The following BABAM2 variants were observed in gnomAD, a reference collection of about 807,000 sequenced individuals.
BABAM2 encodes BRISC and BRCA1 A complex member 2, also known as BRISC and BRCA1-A complex member 2.
Under a neutral mutation model 54.7 loss-of-function variants are expected in BABAM2, and 31 were observed. The ratio of observed to expected loss-of-function variants is 0.57; its 90% CI spans 0.43 to 0.77. The LOEUF is 0.77. BABAM2 is among the 30% of genes least tolerant of loss of function. The pLI is 0.00. For missense variants in BABAM2, 364 were observed against 455.8 expected (o/e 0.80, Z 1.83); for synonymous variants, 167 against 162.9 (o/e 1.03, Z -0.19).
intron 7 of BABAM2, among the ~76,000 whole-genome samples, chr2:28,217,749 A>G (rs1680044820): frequency 6.6e-6 from 1 of 152,180 alleles, no homozygotes; most frequent in Admixed American, 6.5e-5. Context: ...ACTAGAAGTA[A>G]ATTGCTTGAT....
chr2:28,307,165 C>T (rs924564435), intron 11 of BABAM2, among the ~76,000 whole-genome samples: 1 of 151,134 alleles, frequency 6.6e-6, no homozygotes, highest in African/African-American at 2.4e-5. Context: ...CACCACCACA[C>T]CTGGCTATTT....
chr2:27,891,995 A>G (rs1664895571), intron 1 of BABAM2, among the ~76,000 whole-genome samples: 1 of 152,138 alleles, frequency 6.6e-6, no homozygotes, highest in South Asian at 2.1e-4. Flanking sequence ...TGGTAAAGCA[A>G]TCATTTGTTT....
In BABAM2 at chr2:28,325,241, G is replaced by A. The variant is rs1001132533; in HGVS notation, c.1089-13209G>A. Among the ~76,000 whole-genome samples the A allele has an allele frequency of 1.4e-4, 22 of 152,106 alleles. No homozygotes were observed. Among genetic ancestry groups the A allele is most frequent in the African/African-American group, 2.9e-4 (12 of 41,390 alleles). ...CCTTCCCTCCCTCCCTTTCTGTAAC[G>A]GAAGCCTGGGGCCGCAGGGCTACCT... On this transcript the variant is annotated intron_variant, in intron 11 of 11. Coordinates refer to ENST00000379624, the MANE Select transcript of BABAM2 (RefSeq NM_199191.3). This position sits in a 1 kb window ranked among gnomAD's most constrained non-coding sequence, Gnocchi z 4.3.
chr2:28,330,378 G>C (rs766206726), intron 11 of BABAM2, among the ~76,000 whole-genome samples: 7 of 152,200 alleles, frequency 4.6e-5, no homozygotes, highest in African/African-American at 7.2e-5. Context: ...AATAGGAAGA[G>C]AGTTAATCAA....
At chr2:27,959,384 T>C (rs1432568587) in intron 3 of BABAM2, among the ~76,000 whole-genome samples, 2 of 152,222 alleles carry the variant, frequency 1.3e-5, no homozygotes, top group Admixed American at 6.5e-5. Context: ...AAAATACTAT[T>C]ACTGGATAAA....
intron 7 of BABAM2, among the ~76,000 whole-genome samples, chr2:28,158,429 G>A (rs1672755911): frequency 6.6e-6 from 1 of 152,226 alleles, no homozygotes; most frequent in South Asian, 2.1e-4. Flanking sequence ...AATACACACT[G>A]TTGTAGTAAT....
chr2:28,318,878 A>G (rs2148302299), intron 11 of BABAM2, among the ~76,000 whole-genome samples: 1 of 152,318 alleles, frequency 6.6e-6, no homozygotes, highest in East Asian at 1.9e-4. Context: ...CTTAATAAAC[A>G]TGGCAGGAAA....
At chr2:28,033,115 A>G (rs1022476294) in intron 5 of BABAM2, among the ~76,000 whole-genome samples, 3 of 152,186 alleles carry the variant, frequency 2.0e-5, no homozygotes, top group Admixed American at 1.3e-4. Flanking sequence ...ACGAATTCCC[A>G]TAATGTAAGA....
At chr2:28,228,705 C>G (rs1194326298) in intron 7 of BABAM2, among the ~76,000 whole-genome samples, 2 of 152,020 alleles carry the variant, frequency 1.3e-5, no homozygotes, top group Non-Finnish European at 2.9e-5. Flanking sequence ...TCTTGAGTGA[C>G]TGGGCATCAT....
At chr2:27,898,234 G>T (rs1665496864) in intron 2 of BABAM2, among the ~76,000 whole-genome samples, 1 of 152,032 alleles carries the variant, frequency 6.6e-6, no homozygotes, top group African/African-American at 2.4e-5. Flanking sequence ...CTTTTCATAA[G>T]TTCCTTTGGT....
intron 10 of BABAM2, among the ~76,000 whole-genome samples, chr2:28,289,519 G>A (rs1687100128): frequency 6.6e-6 from 1 of 152,218 alleles, no homozygotes; most frequent in Non-Finnish European, 1.5e-5. Flanking sequence ...GCCGGGCACA[G>A]AGGCTCATGC....
chr2:27,932,279 T>A (rs1668151100), intron 3 of BABAM2, among the ~76,000 whole-genome samples: 1 of 152,206 alleles, frequency 6.6e-6, no homozygotes, highest in South Asian at 2.1e-4. Flanking sequence ...TTGCACTGTT[T>A]CTCATTCTCA....
At chr2:28,241,502 C>CT (rs376402633) in intron 9 of BABAM2, 109 bp downstream of exon 9, 48,386 of 771,486 alleles carry the variant, frequency 0.063, 17 homozygotes, top group South Asian at 0.068. Flanking sequence ...CACATGATAC[C>CT]TTTTTTTTTT....
At chr2:27,890,436 G>T, upstream of BABAM2, 1 of 1,285,300 alleles carries the variant, frequency 7.8e-7, no homozygotes, top group Non-Finnish European at 1.1e-6. This position sits in a 1 kb window ranked among gnomAD's most constrained non-coding sequence, Gnocchi z 4.8. Flanking sequence ...CCTCCCTAAC[G>T]ACGCGGGCCT....
At chr2:28,070,429 C>G (rs1664016156) in intron 6 of BABAM2, among the ~76,000 whole-genome samples, 1 of 152,256 alleles carries the variant, frequency 6.6e-6, no homozygotes, top group South Asian at 2.1e-4. Flanking sequence ...CGCTGGCTCT[C>G]TTCAAAAATC....
chr2:28,049,864 T>G (rs543696203), intron 6 of BABAM2, among the ~76,000 whole-genome samples: 2 of 152,340 alleles, frequency 1.3e-5, no homozygotes, highest in South Asian at 4.1e-4. Flanking sequence ...CATCTAGGTG[T>G]GCTGAGATTA....
At chr2:27,975,974 A>C (rs990806250) in intron 3 of BABAM2, among the ~76,000 whole-genome samples, 2 of 152,138 alleles carry the variant, frequency 1.3e-5, no homozygotes, top group East Asian at 3.8e-4. Flanking sequence ...CATTAGGAAA[A>C]TGCAGATTAA....
intron 10 of BABAM2, among the ~76,000 whole-genome samples, chr2:28,265,415 A>G (rs1231049400): frequency 6.6e-6 from 1 of 152,206 alleles, no homozygotes; most frequent in African/African-American, 2.4e-5. Flanking sequence ...TGACAGAGCG[A>G]GACTCTGTCT....
intron 7 of BABAM2, among the ~76,000 whole-genome samples, chr2:28,180,752 C>T (rs1218369749): frequency 1.3e-5 from 2 of 152,032 alleles, no homozygotes; most frequent in African/African-American, 4.8e-5. Context: ...ATGCGAGGAA[C>T]TCAAACAACA....
Sources: allele counts gnomAD v4.1 joint callset (sites outside exome capture counted in the v4.1 genomes callset), GRCh38; gene constraint gnomAD v4.1.1; non-coding constraint Gnocchi (gnomAD v3.1); transcripts MANE v1.5; gene names NCBI Gene and HGNC (gene_info 2026-07-23, HGNC 2026-07-21).